Variants in HDAC10 observed in about 807,000 individuals in gnomAD.
HDAC10 encodes the protein polyamine deacetylase HDAC10.
Under a neutral mutation model 82.3 loss-of-function variants are expected in HDAC10, and 90 were observed. The ratio of observed to expected loss-of-function variants is 1.09; its 90% CI spans 0.92 to 1.30. The LOEUF is 1.30. HDAC10 is among the 50% of genes most tolerant of loss of function. The pLI, the probability that HDAC10 is intolerant of heterozygous loss-of-function variation, is 0.00. For missense variants in HDAC10, 934 were observed against 876.3 expected (o/e 1.07, Z -0.83); for synonymous variants, 456 against 391.7 (o/e 1.16, Z -1.94).
Position 50,246,021 on chromosome 22 carries a change from C to CT in HDAC10, c.1721_1722insA (p.Val575GlyfsTer58). 1 of 1,612,814 alleles carries CT rather than the reference C, an allele frequency of 6.2e-7. No homozygotes were observed. The highest frequency in any genetic ancestry group is 8.5e-7 in the Non-Finnish European group (1 of 1,179,872). The stretch of plus-strand genomic sequence containing the variant: ...GGCCAGGCCCCAGCGCCACCAGCAC[C>CT]AGGTCAGGCTGGAAGCCATAGGCCA... On this transcript the variant is annotated frameshift_variant, in exon 18 of 20. Coordinates refer to ENST00000216271, the MANE Select transcript of HDAC10 (RefSeq NM_032019.6). LOFTEE classifies it high-confidence loss of function.
rs1286518236 is a variant in HDAC10, at chr22:50,247,872, C to A, written c.1337+18G>T. The A allele has an allele frequency of 6.2e-7, 1 of 1,612,056 alleles. No individual in the cohort carries two copies. The highest frequency in any genetic ancestry group is 1.1e-5 in the South Asian group (1 of 90,990). ...GTAGATGCGGCCCCATCCTTCTCCC[C>A]AGGCCAGCCCTGCCCACCTGGCCCA... On this transcript the variant is annotated intron_variant, in intron 13 of 19. Coordinates refer to ENST00000216271, the MANE Select transcript of HDAC10 (RefSeq NM_032019.6).
chr22:50,246,394 C>T lies in HDAC10; in HGVS notation c.1572-18G>A, dbSNP rs562710512. On this transcript the variant is annotated intron_variant, in intron 16 of 19. Transcript: ENST00000216271. ...GACTCCTCCTTCCAGGACACAGGTG[C>T]ATAAGTGTAAGGCCCTGCTCACCCT... The T allele has an allele frequency of 1.3e-5, 21 of 1,604,650 alleles. No homozygotes were observed. In the East Asian group the frequency reaches 4.5e-4, roughly 34 times the overall value.
In HDAC10 at chr22:50,248,189, G is replaced by GT; in HGVS notation, c.1081+35dup. 6.2e-7 allele frequency: 1 copy of GT among 1,603,304 alleles called. No homozygotes were observed. Among genetic ancestry groups the GT allele is most frequent in the East Asian group, 2.2e-5 (1 of 44,808 alleles). On this transcript the variant is annotated intron_variant, in intron 12 of 19. Coordinates refer to ENST00000216271, the MANE Select transcript of HDAC10 (RefSeq NM_032019.6). The surrounding 1 kb of genome is among the most constrained non-coding windows in gnomAD (Gnocchi z 5.4). Reference sequence around the variant, plus strand: ...CATAGCCACTGCACAGGAGCCCGAGGTGGGATCCTGCAGCCTAGCACCCGG... The same window carrying GT: ...CATAGCCACTGCACAGGAGCCCGAGGTTGGGATCCTGCAGCCTAGCACCCGG...
rs750973245 is a variant in HDAC10, at chr22:50,249,739, G to C, written c.495-36C>G. 1.2e-6 allele frequency: 2 copies of C among 1,611,188 alleles called. No individual in the cohort carries two copies. The highest frequency in any genetic ancestry group is 8.5e-7 in the Non-Finnish European group (1 of 1,178,924). On this transcript the variant is annotated intron_variant, in intron 5 of 19. Transcript: ENST00000216271. The surrounding 1 kb of genome is among the most constrained non-coding windows in gnomAD (Gnocchi z 4.4). ...ACAGCGCTGGTGGCAAAGGGGCAGG[G>C]CCTCCCACCTCCAGGAGCCCGGCCA...
intron 14 of HDAC10, 42 bp downstream of exon 14, chr22:50,247,650 C>T (rs2064988178): frequency 2.8e-6 from 4 of 1,451,366 alleles, no homozygotes; most frequent in East Asian, 2.3e-5. Flanking sequence ...GGTCCCTGCC[C>T]CTAGGTCCAC....
Position 50,250,137 on chromosome 22 carries a change from C to T in HDAC10, c.315G>A (p.Leu105=), listed in dbSNP as rs1473037891. Reference sequence around the variant, plus strand: ...CCAGCTGCAGTCCAGCCCCTGCGGCCAGCCGCGCGCAGTGAAAGGTACTCT... The same window carrying T: ...CCAGCTGCAGTCCAGCCCCTGCGGCTAGCCGCGCGCAGTGAAAGGTACTCT... ...FHPSTFHCAR[L]AAGAGLQLVD... Residue 105 remains leucine (L), a synonymous_variant, in exon 4 of 20, where the codon CTG becomes CTA. Coordinates refer to ENST00000216271, the MANE Select transcript of HDAC10 (RefSeq NM_032019.6). 3 of 1,612,494 alleles carry T rather than the reference C, an allele frequency of 1.9e-6. No homozygotes were observed. The highest frequency in any genetic ancestry group is 2.5e-6 in the Non-Finnish European group (3 of 1,179,908).
At position 50,246,902 on chromosome 22, in the gene HDAC10, CG is replaced by C; in HGVS notation, c.1486del (p.Arg496GlyfsTer34). 6.2e-7 allele frequency: 1 copy of C among 1,612,302 alleles called. No individual in the cohort carries two copies. Among genetic ancestry groups the C allele is most frequent in the South Asian group, 1.1e-5 (1 of 90,976 alleles). On this transcript the variant is annotated frameshift_variant, in exon 15 of 20. Transcript: ENST00000216271. LOFTEE classifies it high-confidence loss of function. ...CTGGGCTCCGTGGGACAGGCCTCTCCGAACAGCCACATCCAGGGTGGCTGCT... is the reference window on the plus strand; with the variant it reads ...CTGGGCTCCGTGGGACAGGCCTCTCCAACAGCCACATCCAGGGTGGCTGCT... Reference protein sequence around the residue: ...AAAATLDVAVRRGLSHGAQRL... With the variant: ...AAAATLDVAVXRGLSHGAQRL...
chr22:50,249,419 C>G lies in HDAC10; in HGVS notation c.599G>C (p.Gly200Ala). The G allele has an allele frequency of 6.2e-7, 1 of 1,612,694 alleles. No homozygotes were observed. The highest frequency in any genetic ancestry group is 8.5e-7 in the Non-Finnish European group (1 of 1,179,946). ...LYFSWHRYEH[G>A]RFWPFLRESD... ...CTCTCGCAGGAAAGGCCAGAAGCGCCCATGCTCATAGCGGTGCCAGGAGAA... is the reference window on the plus strand; with the variant it reads ...CTCTCGCAGGAAAGGCCAGAAGCGCGCATGCTCATAGCGGTGCCAGGAGAA... Residue 200 changes from glycine to alanine, a missense_variant, in exon 7 of 20, where the codon GGG becomes GCG. By Grantham distance (60) the Gly-to-Ala change is moderately conservative (BLOSUM62 0). Transcript: ENST00000216271. The surrounding 1 kb of genome is among the most constrained non-coding windows in gnomAD (Gnocchi z 4.4).
At position 50,246,967 on chromosome 22, in the gene HDAC10, C is replaced by T; in HGVS notation, c.1423-1G>A. The T allele has an allele frequency of 6.3e-7, 1 of 1,591,814 alleles. No individual in the cohort carries two copies. ...GAGTGGCTGCTATACCACTGTTCACCTGTGGGATGAATAAACAGTGGAGAA... is the reference window on the plus strand; with the variant it reads ...GAGTGGCTGCTATACCACTGTTCACTTGTGGGATGAATAAACAGTGGAGAA... On this transcript the variant is annotated splice_acceptor_variant, in intron 14 of 19. Transcript: ENST00000216271. LOFTEE classifies it high-confidence loss of function.
Position 50,249,931 on chromosome 22 carries a change from G to A in HDAC10, c.423C>T (p.Ala141=), listed in dbSNP as rs1168462213. The change falls in exon 5 of 20, where the codon GCC becomes GCT. Residue 141 remains alanine, a synonymous_variant. Coordinates refer to ENST00000216271, the MANE Select transcript of HDAC10 (RefSeq NM_032019.6). The surrounding 1 kb of genome is among the most constrained non-coding windows in gnomAD (Gnocchi z 4.4). The part of the protein sequence containing the change: ...PPGHHGQRAA[A]NGFCVFNNVA... Reference sequence around the variant, plus strand: ...CGTTGTTGAACACACAGAACCCGTTGGCAGCCGCCCTCTGGCCATGGTGCC... The same window carrying A: ...CGTTGTTGAACACACAGAACCCGTTAGCAGCCGCCCTCTGGCCATGGTGCC... 29 of 1,612,634 alleles carry A rather than the reference G, an allele frequency of 1.8e-5. No individual in the cohort carries two copies. Among genetic ancestry groups the A allele is most frequent in the Non-Finnish European group, 2.3e-5 (27 of 1,179,858 alleles).
intron 14 of HDAC10, 158 bp downstream of exon 14, chr22:50,247,534 G>T: frequency 1.7e-6 from 1 of 572,976 alleles, no homozygotes; most frequent in Non-Finnish European, 3.1e-6. Context: ...CCCCACCCCT[G>T]GGGCTGTTCT....
Position 50,248,523 on chromosome 22 carries a change from A to T in HDAC10, c.907-51T>A. On this transcript the variant is annotated intron_variant, in intron 10 of 19. Coordinates refer to ENST00000216271, the MANE Select transcript of HDAC10 (RefSeq NM_032019.6). The surrounding 1 kb of genome is among the most constrained non-coding windows in gnomAD (Gnocchi z 5.4). ...GGGGCAGAGATATCACTGGGATGGG[A>T]TGTCACCGGGAGAGCCCCTGCCTGG... 6.4e-7 allele frequency: 1 copy of T among 1,554,020 alleles called. No individual in the cohort carries two copies. The highest frequency in any genetic ancestry group is 8.7e-7 in the Non-Finnish European group (1 of 1,148,992).
rs886285677 is a variant in HDAC10 at position 50,247,494 on chromosome 22, C to T, written c.1422+198G>A. The T allele has an allele frequency of 1.8e-5, 9 of 490,716 alleles. No individual in the cohort carries two copies. The East Asian group carries it at 2.2e-4, about 12-fold the overall frequency. 30.4% of individuals were successfully genotyped at this position (490,716 alleles called of 1,614,324 possible). A position where few individuals can be genotyped will look rare whatever the true frequency, so the allele number is the denominator to read the frequency against. On this transcript the variant is annotated intron_variant, in intron 14 of 19. Transcript: ENST00000216271. ...GCCAAAGAGCATTTAACTGAAGAAG[C>T]TGAGGTCAGAGGTCAGACACACTAG...
At chr22:50,246,176 G>C in intron 17 of HDAC10, 84 bp from the exon 18 acceptor site, 1 of 1,537,510 alleles carries the variant, frequency 6.5e-7, no homozygotes, top group Non-Finnish European at 8.9e-7. Context: ...AGGGCCCCTG[G>C]AGTAGGAGCA....
Position 50,251,245 on chromosome 22 carries a change from A to AGGGG in HDAC10, c.-217_-214dup. On this transcript the variant is annotated 5_prime_UTR_variant, in exon 1 of 20. Transcript: ENST00000216271. ...AGGCACGGAGCGAGGCTGCAGTCGA[A>AGGGG]GGGGGAGGCTCCCCGCGCCTGGCTT... 1 of 491,438 alleles carries AGGGG rather than the reference A, an allele frequency of 2.0e-6. No homozygotes were observed. Among genetic ancestry groups the AGGGG allele is most frequent in the South Asian group, 3.2e-5 (1 of 31,360 alleles). 30.4% of individuals were successfully genotyped at this position (491,438 alleles called of 1,614,324 possible). A position where few individuals can be genotyped will look rare whatever the true frequency, so the allele number is the denominator to read the frequency against.
intron 3 of HDAC10, 35 bp downstream of exon 3, chr22:50,250,392 T>C: frequency 8.8e-6 from 14 of 1,588,214 alleles, no homozygotes; most frequent in Non-Finnish European, 1.1e-5. Flanking sequence ...CGTGCATGTG[T>C]GTCTGCACAG....
chr22:50,250,743 C>A (rs1274814317), intron 2 of HDAC10, 28 bp downstream of exon 2: 1 of 1,543,838 alleles, frequency 6.5e-7, no homozygotes, highest in East Asian at 2.3e-5. Context: ...GCCCCGCCCC[C>A]CATCGTGGGG....
chr22:50,245,790 AC>A lies in HDAC10; in HGVS notation c.1870del (p.Val624CysfsTer2), dbSNP rs2064926990. Reference protein sequence around the residue: ...TPQLAGILARVLNGEAPPSLG... With the variant: ...TPQLAGILARXLNGEAPPSLG... ...GCTAGGAGGTGCCTCTCCATTCAGC[AC>A]CCGGGCCAGGATCCCTGCTAGCTGG... On this transcript the variant is annotated frameshift_variant, in exon 19 of 20. Transcript: ENST00000216271. LOFTEE classifies it high-confidence loss of function. 1 of 1,592,420 alleles carries A rather than the reference AC, an allele frequency of 6.3e-7. No individual in the cohort carries two copies. The highest frequency in any genetic ancestry group is 8.5e-7 in the Non-Finnish European group (1 of 1,169,844).
In HDAC10 at chr22:50,249,248, G is replaced by T; in HGVS notation, c.690+80C>A. 7.1e-7 allele frequency: 1 copy of T among 1,407,878 alleles called. No individual in the cohort carries two copies. The highest frequency in any genetic ancestry group is 1.3e-5 in the South Asian group (1 of 75,362). The allele number at this position is 1,407,878 out of a possible 1,614,324, so 87.2% of individuals were successfully genotyped here. A position where few individuals can be genotyped will look rare whatever the true frequency, so the allele number is the denominator to read the frequency against. ...GGGAGGGGGTGGGTGGGGACCTGGG[G>T]CTTGAGGGTGAACTGTGGGGGAGGG... On this transcript the variant is annotated intron_variant, in intron 7 of 19. Transcript: ENST00000216271. This position sits in a 1 kb window ranked among gnomAD's most constrained non-coding sequence, Gnocchi z 4.4.
Sources: allele counts gnomAD v4.1 joint callset, GRCh38; gene constraint gnomAD v4.1.1; non-coding constraint Gnocchi (gnomAD v3.1); transcripts MANE v1.5; gene names NCBI Gene and HGNC (gene_info 2026-07-23, HGNC 2026-07-21).